PPP4R2: variants seen among roughly 807,000 people sequenced by gnomAD.
PPP4R2 encodes the protein serine/threonine-protein phosphatase 4 regulatory subunit 2.
In PPP4R2, 13 loss-of-function variants were observed where a neutral mutation model predicts 47.2. That is an observed-to-expected ratio of 0.28 (90% CI 0.18 to 0.44). The LOEUF (loss-of-function observed/expected upper bound fraction) is 0.44. Among genes scored for constraint, PPP4R2 ranks in the 20% least tolerant of loss-of-function variants. The pLI, the probability that PPP4R2 is intolerant of heterozygous loss-of-function variation, is 1.00. For synonymous variants in PPP4R2, 151 were observed against 163.3 expected (o/e 0.92, Z 0.57); for missense variants, 421 against 491.2 (o/e 0.86, Z 1.35).
intron 3 of PPP4R2, among the ~76,000 whole-genome samples, chr3:73,057,863 A>G (rs1343920717): frequency 6.6e-6 from 1 of 152,128 alleles, no homozygotes; most frequent in African/African-American, 2.4e-5. Context: ...TTGTGGTGGA[A>G]GAAAATTCTG....
intron 2 of PPP4R2, among the ~76,000 whole-genome samples, chr3:73,032,529 T>C (rs906438397): frequency 2.6e-5 from 4 of 152,150 alleles, no homozygotes; most frequent in South Asian, 2.1e-4. Flanking sequence ...CCTTGTGATC[T>C]GCCCGCCCTG....
At position 73,064,836 on chromosome 3, in the gene PPP4R2, A is replaced by G. The variant is rs771275913; in HGVS notation, c.639-16A>G. 4.5e-6 allele frequency: 7 copies of G among 1,559,982 alleles called. No homozygotes were observed. Among genetic ancestry groups the G allele is most frequent in the Non-Finnish European group, 6.0e-6 (7 of 1,157,568 alleles). ...AAAATAATCTTATTAATGACACTTT[A>G]AAAAAACATTTACAGTGACTCTTCG... is the stretch of plus-strand genomic sequence containing the variant. On this transcript the variant is annotated splice_polypyrimidine_tract_variant and intron_variant, in intron 7 of 8. Coordinates refer to ENST00000356692, the MANE Select transcript of PPP4R2 (RefSeq NM_174907.4).
intron 1 of PPP4R2, 184 bp downstream of exon 1, chr3:72,997,255 C>G: frequency 2.3e-6 from 1 of 434,728 alleles, no homozygotes. Context: ...TCCCGCCCCG[C>G]TCTGGCTTTG....
chr3:73,006,335 G>T (rs1167249651), intron 2 of PPP4R2, among the ~76,000 whole-genome samples: 1 of 151,532 alleles, frequency 6.6e-6, no homozygotes, highest in African/African-American at 2.4e-5. Context: ...GGTAGCTGGG[G>T]CCACAGGCGC....
intron 3 of PPP4R2, among the ~76,000 whole-genome samples, chr3:73,058,161 G>T (rs1702767553): frequency 6.6e-6 from 1 of 151,920 alleles, no homozygotes; most frequent in Non-Finnish European, 1.5e-5. Flanking sequence ...ATTTACTGTG[G>T]TCAAGGAAAA....
At chr3:73,029,248 CAG>C (rs1702125489) in intron 2 of PPP4R2, among the ~76,000 whole-genome samples, 1 of 152,200 alleles carries the variant, frequency 6.6e-6, no homozygotes, top group Non-Finnish European at 1.5e-5. Flanking sequence ...GCTAGTATTA[CAG>C]AGTTTTGAGC....
intron 2 of PPP4R2, 150 bp from the exon 3 acceptor site, chr3:73,047,036 T>C: frequency 1.8e-6 from 1 of 556,232 alleles, no homozygotes; most frequent in East Asian, 3.0e-5. Flanking sequence ...AGGCATGATG[T>C]GTGCTCTTCA....
At chr3:73,020,298 C>G (rs1009384948) in intron 2 of PPP4R2, among the ~76,000 whole-genome samples, 50 of 152,228 alleles carry the variant, frequency 3.3e-4, no homozygotes, top group African/African-American at 1.2e-3. Context: ...AGCAGTCCTC[C>G]TGTCCTCAGC....
intron 5 of PPP4R2, 26 bp from the exon 6 acceptor site, chr3:73,063,647 C>T (rs1559570987): frequency 1.4e-6 from 2 of 1,398,340 alleles, no homozygotes; most frequent in African/African-American, 1.4e-5. Flanking sequence ...TTAAGTCATC[C>T]ACAAGTGTAT....
At chr3:72,998,401 G>A (rs184510664) in intron 2 of PPP4R2, among the ~76,000 whole-genome samples, 1 of 152,238 alleles carries the variant, frequency 6.6e-6, no homozygotes, top group African/African-American at 2.4e-5. Flanking sequence ...CTAGGCTTTG[G>A]CACGCTTAGA....
intron 5 of PPP4R2, chr3:73,061,797 T>C (rs1050038717): frequency 5.6e-5 from 19 of 339,520 alleles, no homozygotes; most frequent in East Asian, 8.8e-5. Context: ...CCTTAAACTC[T>C]AGTGATCCTC....
chr3:73,015,763 G>C, intron 2 of PPP4R2: 1 of 437,818 alleles, frequency 2.3e-6, no homozygotes, highest in South Asian at 1.6e-5. Context: ...TTATCCTCCT[G>C]AGTAGCTGGG....
intron 2 of PPP4R2, among the ~76,000 whole-genome samples, chr3:73,008,039 A>AC (rs899849434): frequency 1.4e-4 from 7 of 51,264 alleles, no homozygotes; most frequent in East Asian, 7.8e-4. Flanking sequence ...CCCAGCCCCC[A>AC]CCCCCCCTCC....
At chr3:73,000,063 T>G (rs1001885921) in intron 2 of PPP4R2, among the ~76,000 whole-genome samples, 2 of 152,214 alleles carry the variant, frequency 1.3e-5, no homozygotes, top group Non-Finnish European at 2.9e-5. Flanking sequence ...TAGACTTTTC[T>G]GATGTTTTAG....
rs528400967 is a variant in PPP4R2, at chr3:73,065,362, A to G, written c.929-35A>G. ...TTAACTGTGGAGGTATTTTGAAAAT[A>G]CAATTTAACTACAACAACATTTGCT... On this transcript the variant is annotated intron_variant, in intron 8 of 8. Coordinates refer to ENST00000356692, the MANE Select transcript of PPP4R2 (RefSeq NM_174907.4). The G allele has an allele frequency of 6.4e-5, 98 of 1,534,056 alleles. 1 individual carries two copies. In the South Asian group the frequency reaches 1.2e-3, roughly 19 times the overall value.
intron 2 of PPP4R2, among the ~76,000 whole-genome samples, chr3:73,010,580 A>G (rs547416815): frequency 8.6e-5 from 13 of 150,816 alleles, no homozygotes; most frequent in African/African-American, 3.2e-4. Flanking sequence ...TTTTTTTAAG[A>G]CAGAGTCTCA....
At chr3:73,052,282 T>G (rs1350495922) in intron 3 of PPP4R2, among the ~76,000 whole-genome samples, 1 of 139,628 alleles carries the variant, frequency 7.2e-6, no homozygotes, top group Non-Finnish European at 1.6e-5. Flanking sequence ...CTTTTAAAAT[T>G]ACTTTGGAAC....
chr3:73,008,431 T>TA (rs758030301), intron 2 of PPP4R2, among the ~76,000 whole-genome samples: 15 of 152,240 alleles, frequency 9.9e-5, no homozygotes, highest in Non-Finnish European at 1.8e-4. Context: ...TAATTTTTCT[T>TA]ATCTTCATTC....
chr3:73,060,177 C>T (rs1381192573), intron 4 of PPP4R2, among the ~76,000 whole-genome samples: 2 of 152,146 alleles, frequency 1.3e-5, no homozygotes, highest in Non-Finnish European at 2.9e-5. Flanking sequence ...AAAACCATTA[C>T]ATAGTGATTT....
Sources: allele counts gnomAD v4.1 joint callset (sites outside exome capture counted in the v4.1 genomes callset), GRCh38; gene constraint gnomAD v4.1.1; transcripts MANE v1.5; gene names NCBI Gene and HGNC (gene_info 2026-07-23, HGNC 2026-07-21).